The following PWP1 variants were observed in gnomAD, a reference collection of about 807,000 sequenced individuals.
The protein encoded by PWP1 is PWP1 homolog, endonuclein.
In PWP1, 47 loss-of-function variants were observed where a neutral mutation model predicts 69.9. The observed-to-expected ratio is 0.67, with a 90% CI of 0.53 to 0.86. The LOEUF (loss-of-function observed/expected upper bound fraction) is 0.86, where lower values mean the gene tolerates loss of function less well. PWP1 is among the 40% of genes least tolerant of loss of function. PWP1 has a pLI of 0.00. For missense variants in PWP1, 551 were observed against 608.8 expected (o/e 0.91, Z 1.00); for synonymous variants, 222 against 208.2 (o/e 1.07, Z -0.57).
chr12:107,692,865 A>C lies in PWP1; in HGVS notation c.371A>C (p.Asn124Thr). The C allele has an allele frequency of 6.2e-7, 1 of 1,614,080 alleles. No homozygotes were observed. The highest frequency in any genetic ancestry group is 1.3e-5 in the African/African-American group (1 of 75,056). The change falls in exon 4 of 15, where the codon AAT (asparagine) becomes ACT (threonine). Residue 124 changes from asparagine (N) to threonine (T), a missense_variant. Transcript: ENST00000412830. ...TTGGGTCTTACGGTCTACGGGAGTA[A>C]TGATCAAGATCCTTACGTTACTCTG... ...SLLGLTVYGS[N>T]DQDPYVTLKD... is the part of the protein sequence containing the mutation.
At position 107,700,070 on chromosome 12, in the gene PWP1, C is replaced by G. The variant is rs367624813; in HGVS notation, c.806+636C>G. 3.9e-5 allele frequency among the ~76,000 whole-genome samples: 6 copies of G among 152,274 alleles called. No individual in the cohort carries two copies. The East Asian group carries it at 5.8e-4, about 15-fold the overall frequency. ...ACCGTCAGATCTTGTGAGACCCATTCACTATCATGAGAACAGCACAGGAAA... is the reference window on the plus strand; with the variant it reads ...ACCGTCAGATCTTGTGAGACCCATTGACTATCATGAGAACAGCACAGGAAA... On this transcript the variant is annotated intron_variant, in intron 8 of 14. Coordinates refer to ENST00000412830, the MANE Select transcript of PWP1 (RefSeq NM_007062.3).
At chr12:107,705,783 T>C (rs1889811422) in intron 11 of PWP1, among the ~76,000 whole-genome samples, 1 of 152,178 alleles carries the variant, frequency 6.6e-6, no homozygotes, top group South Asian at 2.1e-4. Context: ...TTGATGGACA[T>C]CTGGGTTGGT....
chr12:107,686,969 CAAAAAAAAAAAAAAAAAAA>C lies in PWP1; in HGVS notation c.72+1011_72+1029del, dbSNP rs61728433. ...CGGGCAACAGAGTGAGACTCCGTCT[CAAAAAAAAAAAAAAAAAAA>C]AAAAAAAAAAAATAGAAAAAGACCC... On this transcript the variant is annotated intron_variant, in intron 1 of 14. Coordinates refer to ENST00000412830, the MANE Select transcript of PWP1 (RefSeq NM_007062.3). Among the ~76,000 whole-genome samples the C allele has an allele frequency of 2.9e-3, 314 of 106,882 alleles. 5 individuals carry two copies. The South Asian group carries it at 0.047, about 16-fold the overall frequency. The allele number at this position is 106,882 out of a possible 152,430, so 70.1% of individuals were successfully genotyped here. A position where few individuals can be genotyped will look rare whatever the true frequency, so the allele number is the denominator to read the frequency against.
chr12:107,712,275 TA>T lies in PWP1; in HGVS notation c.*60del. On this transcript the variant is annotated 3_prime_UTR_variant, in exon 15 of 15. Transcript: ENST00000412830. ...AACTGGGAATTTTAAAAAGTTGGCCTAAAAATGTTCCATGCGTGGCAGCAAC... is the reference window on the plus strand; with the variant it reads ...AACTGGGAATTTTAAAAAGTTGGCCTAAAATGTTCCATGCGTGGCAGCAAC... The T allele has an allele frequency of 7.1e-7, 1 of 1,414,214 alleles. No homozygotes were observed. Among genetic ancestry groups the T allele is most frequent in the Non-Finnish European group, 1.0e-6 (1 of 1,001,114 alleles). The allele number at this position is 1,414,214 out of a possible 1,614,324, so 87.6% of individuals were successfully genotyped here.
chr12:107,696,739 C>T (rs565868148), intron 6 of PWP1, among the ~76,000 whole-genome samples, 155 bp downstream of exon 6: 23 of 152,270 alleles, frequency 1.5e-4, no homozygotes, highest in African/African-American at 4.8e-4. Context: ...TCTTAACACA[C>T]CATCACTTTA....
chr12:107,692,183 C>T (rs1261452640), intron 3 of PWP1, among the ~76,000 whole-genome samples: 1 of 152,208 alleles, frequency 6.6e-6, no homozygotes, highest in African/African-American at 2.4e-5. Context: ...AGTCCTGCCT[C>T]CTTAAAGTGG....
intron 3 of PWP1, among the ~76,000 whole-genome samples, chr12:107,689,157 C>T (rs1889433266): frequency 1.3e-5 from 2 of 152,156 alleles, no homozygotes; most frequent in South Asian, 4.1e-4. Flanking sequence ...TCTCACAATA[C>T]AGTAGTCCCC....
chr12:107,689,530 GA>G (rs1221452187), intron 3 of PWP1, among the ~76,000 whole-genome samples: 3 of 152,204 alleles, frequency 2.0e-5, no homozygotes, highest in Non-Finnish European at 4.4e-5. Flanking sequence ...TGGATCACTT[GA>G]GGTCAGGAGT....
At chr12:107,710,282 G>T in intron 13 of PWP1, 123 bp from the exon 14 acceptor site, 1 of 1,433,082 alleles carries the variant, frequency 7.0e-7, no homozygotes, top group Non-Finnish European at 9.2e-7. Flanking sequence ...GCTTGAAAGT[G>T]AGAATCATAA....
At chr12:107,711,915 G>A (rs1889960238) in intron 14 of PWP1, among the ~76,000 whole-genome samples, 196 bp from the exon 15 acceptor site, 1 of 152,158 alleles carries the variant, frequency 6.6e-6, no homozygotes, top group Non-Finnish European at 1.5e-5. Context: ...GGCAAAGAAA[G>A]TAAAGTACAA....
rs1889779160 is a variant in PWP1 at position 107,704,709 on chromosome 12, A to T, written c.1039A>T (p.Arg347Ter). The T allele has an allele frequency of 1.2e-6, 2 of 1,613,846 alleles. No individual in the cohort carries two copies. The highest frequency in any genetic ancestry group is 1.3e-5 in the African/African-American group (1 of 74,910). The change falls in exon 11 of 15, where the codon AGA (arginine) becomes TGA (stop). Residue 347 changes from arginine (R) to a stop codon, truncating the protein, a stop_gained. Coordinates refer to ENST00000412830, the MANE Select transcript of PWP1 (RefSeq NM_007062.3). LOFTEE classifies it high-confidence loss of function. ...RMWRFSGQIERVTWNHFSPCH... is the reference protein window; with the variant it reads ...RMWRFSGQIE The stretch of plus-strand genomic sequence containing the variant: ...GTGGCGATTCAGTGGGCAGATAGAG[A>T]GAGTGACTTGGAATCACTTTTCACC...
intron 5 of PWP1, among the ~76,000 whole-genome samples, chr12:107,695,496 T>C (rs1256157825): frequency 6.6e-6 from 1 of 152,174 alleles, no homozygotes; most frequent in Non-Finnish European, 1.5e-5. Context: ...TCCTTCTTAA[T>C]ACAAAGCATA....
In PWP1 at chr12:107,709,130, A is replaced by C; in HGVS notation, c.1188A>C (p.Gln396His). 1.9e-6 allele frequency: 3 copies of C among 1,614,012 alleles called. No homozygotes were observed. The highest frequency in any genetic ancestry group is 2.5e-6 in the Non-Finnish European group (3 of 1,179,918). Reference sequence around the variant, plus strand: ...CTTTAGGTCTTGATCTTAGCAGTCAAATCAAGGGCTGTCTCGTGACTGCTT... The same window carrying C: ...CTTTAGGTCTTGATCTTAGCAGTCACATCAAGGGCTGTCTCGTGACTGCTT... ...DEISGLDLSS[Q>H]IKGCLVTASA... Residue 396 changes from glutamine to histidine, a missense_variant, in exon 13 of 15, where the codon CAA becomes CAC. Coordinates refer to ENST00000412830, the MANE Select transcript of PWP1 (RefSeq NM_007062.3).
intron 13 of PWP1, 70 bp downstream of exon 13, chr12:107,709,302 G>A: frequency 6.5e-7 from 1 of 1,548,226 alleles, no homozygotes; most frequent in Non-Finnish European, 8.8e-7. Context: ...TGGAACTTGT[G>A]TTGCGTGTTT....
intron 8 of PWP1, among the ~76,000 whole-genome samples, chr12:107,699,723 G>C (rs1889666677): frequency 2.6e-5 from 4 of 152,104 alleles, no homozygotes; most frequent in Admixed American, 2.0e-4. Flanking sequence ...GGTGCAGTAG[G>C]ATTGTGTTTC....
At chr12:107,697,893 C>T in intron 7 of PWP1, 5 of 452,958 alleles carry the variant, frequency 1.1e-5, no homozygotes, top group South Asian at 8.2e-5. Flanking sequence ...TGAGCCTCCT[C>T]CAAATACAGT....
intron 8 of PWP1, among the ~76,000 whole-genome samples, chr12:107,700,124 C>T (rs903623038): frequency 2.0e-5 from 3 of 152,176 alleles, no homozygotes; most frequent in Non-Finnish European, 4.4e-5. Flanking sequence ...CATTACCTTC[C>T]ACCTGGTCCT....
intron 1 of PWP1, 176 bp downstream of exon 1, chr12:107,686,147 G>A: frequency 1.5e-6 from 1 of 682,778 alleles, no homozygotes; most frequent in Non-Finnish European, 2.5e-6. Flanking sequence ...GGTCTGGTTC[G>A]CCTGAGCCTG....
chr12:107,688,648 A>G lies in PWP1; in HGVS notation c.165A>G (p.Thr55=), dbSNP rs767576824. ...EEGGGSDEEE[T]GSPSEDGMQS... is the part of the protein sequence containing the mutation. ...GTGGTGGCAGTGATGAAGAGGAGAC[A>G]GGCAGTCCTTCAGAAGATGGCATGC... Residue 55 remains threonine, a synonymous_variant, in exon 3 of 15, where the codon ACA becomes ACG. Coordinates refer to ENST00000412830, the MANE Select transcript of PWP1 (RefSeq NM_007062.3). 6.2e-6 allele frequency: 10 copies of G among 1,614,078 alleles called. No homozygotes were observed. The highest frequency in any genetic ancestry group is 7.6e-6 in the Non-Finnish European group (9 of 1,180,028).
Sources: allele counts gnomAD v4.1 joint callset (sites outside exome capture counted in the v4.1 genomes callset), GRCh38; gene constraint gnomAD v4.1.1; transcripts MANE v1.5; gene names NCBI Gene and HGNC (gene_info 2026-07-23, HGNC 2026-07-21).